FAM135B: variants seen among roughly 807,000 people sequenced by gnomAD.
FAM135B encodes the protein family with sequence similarity 135 member B, also known as protein FAM135B.
FAM135B carries 43 observed loss-of-function variants against 127.7 expected under a neutral mutation model. The ratio of observed to expected loss-of-function variants is 0.34; its 90% CI spans 0.26 to 0.43. The LOEUF is 0.43. Among genes scored for constraint, FAM135B ranks in the 20% least tolerant of loss-of-function variants. FAM135B has a pLI of 1.00. For missense variants in FAM135B, 1,558 were observed against 1,725.6 expected, an observed-to-expected ratio of 0.90 and a Z score of 1.72; for synonymous variants, 670 against 665.1, an observed-to-expected ratio of 1.01 and a Z score of -0.11.
rs140327422 is a variant in FAM135B at position 138,151,759 on chromosome 8, C to A, written c.2716G>T (p.Gly906Cys). 1 of 1,614,062 alleles carries A rather than the reference C, an allele frequency of 6.2e-7. No homozygotes were observed. The highest frequency in any genetic ancestry group is 8.5e-7 in the Non-Finnish European group (1 of 1,180,030). Residue 906 changes from glycine to cysteine, a missense_variant, in exon 13 of 20, where the codon GGC becomes TGC. Transcript: ENST00000395297. ...LHRALEETPK[G>C]MPKDLNVGQQ... is the part of the protein sequence containing the mutation. Reference sequence around the variant, plus strand: ...CCCACATTCAAGTCTTTAGGCATGCCCTTTGGGGTTTCCTCAAGTGCTCTA... The same window carrying A: ...CCCACATTCAAGTCTTTAGGCATGCACTTTGGGGTTTCCTCAAGTGCTCTA...
intron 1 of FAM135B, among the ~76,000 whole-genome samples, chr8:138,493,390 TA>T (rs1454367929): frequency 6.6e-6 from 1 of 152,134 alleles, no homozygotes; most frequent in African/African-American, 2.4e-5. Context: ...TGTAGAACTG[TA>T]GGTGAAATAC....
At chr8:138,417,500 A>C (rs1834236259) in intron 1 of FAM135B, among the ~76,000 whole-genome samples, 1 of 152,178 alleles carries the variant, frequency 6.6e-6, no homozygotes, top group Non-Finnish European at 1.5e-5. Flanking sequence ...ACTGGCATGA[A>C]TGTGTACATG....
chr8:138,473,646 C>T (rs1814201980), intron 1 of FAM135B, among the ~76,000 whole-genome samples: 1 of 152,166 alleles, frequency 6.6e-6, no homozygotes, highest in Admixed American at 6.5e-5. Flanking sequence ...CCTAAAGGCT[C>T]TCTAGATGCT....
intron 1 of FAM135B, among the ~76,000 whole-genome samples, chr8:138,422,015 T>C (rs1486345103): frequency 6.6e-6 from 1 of 151,680 alleles, no homozygotes; most frequent in East Asian, 1.9e-4. Context: ...TAACAAGCAA[T>C]GGAAAAGGTC....
chr8:138,464,701 T>C (rs571151009), intron 1 of FAM135B, among the ~76,000 whole-genome samples: 47 of 152,284 alleles, frequency 3.1e-4, no homozygotes, highest in African/African-American at 1.1e-3. Flanking sequence ...TCCTTGCGGC[T>C]GGATGACAGT....
At chr8:138,197,741 C>G (rs1487237968) in intron 7 of FAM135B, 72 bp from the exon 8 acceptor site, 2 of 1,505,456 alleles carry the variant, frequency 1.3e-6, no homozygotes, top group Non-Finnish European at 1.8e-6. Flanking sequence ...CTGTGATGCT[C>G]CATCCACCCG....
At chr8:138,218,736 T>C (rs1818763854) in intron 7 of FAM135B, among the ~76,000 whole-genome samples, 1 of 146,204 alleles carries the variant, frequency 6.8e-6, no homozygotes, top group South Asian at 2.2e-4. Flanking sequence ...AATGCCCTGC[T>C]CCTCCCAAAC....
At chr8:138,460,712 T>C (rs527365864) in intron 1 of FAM135B, among the ~76,000 whole-genome samples, 14 of 151,874 alleles carry the variant, frequency 9.2e-5, no homozygotes, top group Admixed American at 5.9e-4. Context: ...TGGAAGGATT[T>C]TTTTTTCTAT....
rs932190617 is a variant in FAM135B at position 138,132,040 on chromosome 8, T to C, written c.*553A>G. 1 of 154,252 alleles carries C rather than the reference T, an allele frequency of 6.5e-6. No homozygotes were observed. The allele number at this position is 154,252 out of a possible 1,614,324, so 9.6% of individuals were successfully genotyped here. ...GAACTGGGATTTGTAACACATTCCT[T>C]GCTCCCTTGTTTAGAAAACATGAGG... On this transcript the variant is annotated 3_prime_UTR_variant, in exon 20 of 20. Transcript: ENST00000395297. This position sits in a 1 kb window ranked among gnomAD's most constrained non-coding sequence, Gnocchi z 4.5.
At chr8:138,404,475 C>T (rs1260722033) in intron 1 of FAM135B, among the ~76,000 whole-genome samples, 2 of 152,124 alleles carry the variant, frequency 1.3e-5, no homozygotes, top group Admixed American at 6.5e-5. Context: ...ATGAAGTTTG[C>T]CATGTCATTG....
chr8:138,271,336 T>C (rs2130676608), intron 3 of FAM135B, among the ~76,000 whole-genome samples: 1 of 152,344 alleles, frequency 6.6e-6, no homozygotes, highest in African/African-American at 2.4e-5. Flanking sequence ...CTGCTGCACA[T>C]GGAGTATTGG....
At chr8:138,147,139 T>A (rs779662789) in intron 14 of FAM135B, among the ~76,000 whole-genome samples, 2 of 152,190 alleles carry the variant, frequency 1.3e-5, no homozygotes, top group Non-Finnish European at 2.9e-5. Context: ...GTCATTTTTT[T>A]AAAGGAAATC....
intron 7 of FAM135B, among the ~76,000 whole-genome samples, chr8:138,239,355 C>T (rs1303352213): frequency 6.6e-6 from 1 of 152,156 alleles, no homozygotes. Flanking sequence ...GCATAAATGT[C>T]TTCTTTTGAG....
chr8:138,425,559 A>G (rs1834793878), intron 1 of FAM135B: 1 of 151,908 alleles, frequency 6.6e-6, no homozygotes, highest in African/African-American at 2.4e-5. Flanking sequence ...CCAGAATCCT[A>G]TTGTTCAGAG....
intron 1 of FAM135B, among the ~76,000 whole-genome samples, chr8:138,484,212 A>G (rs576702450): frequency 2.7e-4 from 41 of 152,308 alleles, no homozygotes; most frequent in African/African-American, 9.1e-4. Context: ...AGGGATCCTC[A>G]AATAAATCCC....
intron 1 of FAM135B, among the ~76,000 whole-genome samples, chr8:138,466,333 G>A (rs373934214): frequency 4.6e-5 from 7 of 152,252 alleles, no homozygotes; most frequent in South Asian, 4.1e-4. Flanking sequence ...TCAGAATCTC[G>A]GTCAGGAGAG....
At chr8:138,464,565 C>A (rs1448452964) in intron 1 of FAM135B, among the ~76,000 whole-genome samples, 1 of 152,078 alleles carries the variant, frequency 6.6e-6, no homozygotes, top group Non-Finnish European at 1.5e-5. Context: ...GAATTCTGGA[C>A]AAAGTGTATA....
intron 19 of FAM135B, among the ~76,000 whole-genome samples, chr8:138,134,427 C>T (rs763443336): frequency 1.3e-5 from 2 of 152,136 alleles, no homozygotes; most frequent in African/African-American, 2.4e-5. Flanking sequence ...GATTACTCAA[C>T]CAGATCATTT....
intron 2 of FAM135B, among the ~76,000 whole-genome samples, chr8:138,344,734 C>T (rs900618934): frequency 7.2e-5 from 11 of 152,082 alleles, no homozygotes; most frequent in Non-Finnish European, 1.5e-4. Context: ...TGCAACCACA[C>T]CCAGCTAATT....
Sources: gnomAD v4.1 joint callset for allele counts (sites outside exome capture counted in the v4.1 genomes callset) on GRCh38, gnomAD v4.1.1 for gene constraint, Gnocchi (gnomAD v3.1) non-coding constraint, MANE v1.5 for transcripts, NCBI Gene and HGNC (gene_info 2026-07-23, HGNC 2026-07-21) for gene names.